The following DLGAP1 variants were observed in gnomAD, a reference collection of about 807,000 sequenced individuals.
The protein encoded by DLGAP1 is disks large-associated protein 1.
In DLGAP1, 11 loss-of-function variants were observed where a neutral mutation model predicts 90.8. The observed-to-expected ratio is 0.12, with a 90% CI of 0.08 to 0.20. The LOEUF is 0.20. Among genes scored for constraint, DLGAP1 ranks in the 10% least tolerant of loss-of-function variants. The pLI is 1.00. For synonymous variants in DLGAP1, 558 were observed against 540.7 expected, an observed-to-expected ratio of 1.03 and a Z score of -0.44; for missense variants, 1,050 against 1,333.8, an observed-to-expected ratio of 0.79 and a Z score of 3.31.
At chr18:4,083,574 T>A (rs1302592250) in intron 2 of DLGAP1, among the ~76,000 whole-genome samples, 2 of 152,216 alleles carry the variant, frequency 1.3e-5, no homozygotes, top group Non-Finnish European at 2.9e-5. Flanking sequence ...TTACCAAGAA[T>A]TTGGACAGAA....
At chr18:3,750,444 C>T (rs184844950) in intron 5 of DLGAP1, among the ~76,000 whole-genome samples, 10 of 152,246 alleles carry the variant, frequency 6.6e-5, no homozygotes, top group Admixed American at 5.2e-4. Context: ...GTGCATGTGT[C>T]CTTTTGGTAG....
intron 11 of DLGAP1, 73 bp from the exon 12 acceptor site, chr18:3,502,718 T>G: frequency 6.6e-7 from 1 of 1,506,284 alleles, no homozygotes; most frequent in Non-Finnish European, 8.9e-7. Context: ...AAAGGCATTT[T>G]CAAATATTTC....
At chr18:3,892,968 T>C (rs1407992060) in intron 3 of DLGAP1, among the ~76,000 whole-genome samples, 2 of 150,718 alleles carry the variant, frequency 1.3e-5, no homozygotes, top group East Asian at 1.9e-4. Flanking sequence ...TTTGTTACAT[T>C]GTGTAGAAGT....
intron 1 of DLGAP1, among the ~76,000 whole-genome samples, chr18:4,223,990 T>C (rs186332576): frequency 3.3e-5 from 5 of 152,294 alleles, no homozygotes; most frequent in Admixed American, 3.3e-4. Context: ...AAAATTCTAG[T>C]TAGAGAAATG....
Position 3,565,104 on chromosome 18 carries a change from C to T in DLGAP1, c.2057+2386G>A, listed in dbSNP as rs527644367. Among the ~76,000 whole-genome samples, 2 of 152,248 alleles carry T rather than the reference C, an allele frequency of 1.3e-5. No individual in the cohort carries two copies. The highest frequency in any genetic ancestry group is 4.8e-5 in the African/African-American group (2 of 41,556). On this transcript the variant is annotated intron_variant, in intron 9 of 12. Coordinates refer to ENST00000315677, the MANE Select transcript of DLGAP1 (RefSeq NM_004746.4). The surrounding 1 kb of genome is among the most constrained non-coding windows in gnomAD (Gnocchi z 4.0). The stretch of plus-strand genomic sequence containing the variant: ...GAGTCTGTGCTGTCAACCACTACAT[C>T]GTTGAGAAAAGGCACCAAGCTGGGC...
intron 1 of DLGAP1, among the ~76,000 whole-genome samples, chr18:4,390,013 C>T (rs1392723653): frequency 2.0e-5 from 3 of 151,902 alleles, no homozygotes; most frequent in Non-Finnish European, 4.4e-5. Context: ...TGTGTTAGTC[C>T]CTCCAGTGGC....
chr18:3,951,263 T>A (rs2072979747), intron 3 of DLGAP1, among the ~76,000 whole-genome samples: 1 of 152,212 alleles, frequency 6.6e-6, no homozygotes, highest in Non-Finnish European at 1.5e-5. Context: ...TAACCTCACA[T>A]TACACACATA....
intron 1 of DLGAP1, among the ~76,000 whole-genome samples, chr18:4,437,301 A>G (rs912196283): frequency 1.3e-5 from 2 of 152,134 alleles, no homozygotes; most frequent in African/African-American, 4.8e-5. Context: ...TCTTTTTTGC[A>G]TTTTTCAGAA....
chr18:4,323,472 A>T (rs186874481), intron 1 of DLGAP1, among the ~76,000 whole-genome samples: 13 of 152,306 alleles, frequency 8.5e-5, no homozygotes, highest in Admixed American at 5.2e-4. Context: ...CTGAAGAGGC[A>T]TTTGTATCCC....
chr18:3,868,952 C>T (rs1335637522), intron 4 of DLGAP1, among the ~76,000 whole-genome samples: 3 of 152,124 alleles, frequency 2.0e-5, no homozygotes, highest in South Asian at 2.1e-4. Flanking sequence ...AAAAGCACCA[C>T]GGAGGAAACA....
chr18:4,113,513 T>C (rs2076009567), intron 2 of DLGAP1, among the ~76,000 whole-genome samples: 1 of 152,178 alleles, frequency 6.6e-6, no homozygotes, highest in Admixed American at 6.5e-5. Flanking sequence ...AGATTCTGGG[T>C]ATTAGACCTT....
At chr18:4,153,116 G>T (rs1203920363) in intron 1 of DLGAP1, among the ~76,000 whole-genome samples, 1 of 152,156 alleles carries the variant, frequency 6.6e-6, no homozygotes, top group Non-Finnish European at 1.5e-5. Flanking sequence ...TTATAAGTTA[G>T]ATAATTGTTA....
At chr18:3,748,994 C>T (rs1004611747) in intron 5 of DLGAP1, among the ~76,000 whole-genome samples, 2 of 152,070 alleles carry the variant, frequency 1.3e-5, no homozygotes, top group African/African-American at 4.8e-5. Flanking sequence ...CAATGCCTGG[C>T]TACTGTTAGA....
At chr18:4,446,183 C>A (rs370353959) in intron 1 of DLGAP1, among the ~76,000 whole-genome samples, 3 of 152,254 alleles carry the variant, frequency 2.0e-5, no homozygotes, top group African/African-American at 7.2e-5. Context: ...TCTTCACACA[C>A]TCGTCCCACT....
At chr18:3,968,836 C>T (rs2073385384) in intron 3 of DLGAP1, among the ~76,000 whole-genome samples, 1 of 151,636 alleles carries the variant, frequency 6.6e-6, no homozygotes, top group Non-Finnish European at 1.5e-5. Context: ...TTGTCCCTGC[C>T]CAGCTATGTG....
chr18:3,503,403 T>C (rs1022718476), intron 11 of DLGAP1, among the ~76,000 whole-genome samples: 1 of 152,192 alleles, frequency 6.6e-6, no homozygotes, highest in African/African-American at 2.4e-5. Context: ...CTTTGCCCCA[T>C]CCACATATCC....
chr18:3,524,752 A>G (rs1267534339), intron 10 of DLGAP1, among the ~76,000 whole-genome samples: 1 of 152,152 alleles, frequency 6.6e-6, no homozygotes, highest in Non-Finnish European at 1.5e-5. Flanking sequence ...TGGATTTGTC[A>G]TTCTGAGTCT....
chr18:3,756,645 CAA>C (rs2063730545), intron 5 of DLGAP1, among the ~76,000 whole-genome samples: 1 of 150,962 alleles, frequency 6.6e-6, no homozygotes, highest in Non-Finnish European at 1.5e-5. Context: ...AAATGGAAAG[CAA>C]AAGAAAAACG....
At chr18:3,549,102 A>T (rs2053229402) in intron 9 of DLGAP1, among the ~76,000 whole-genome samples, 1 of 152,218 alleles carries the variant, frequency 6.6e-6, no homozygotes, top group Non-Finnish European at 1.5e-5. Flanking sequence ...TATCACAGTT[A>T]TATATGCACA....
Sources: allele counts gnomAD v4.1 joint callset (sites outside exome capture counted in the v4.1 genomes callset), GRCh38; gene constraint gnomAD v4.1.1; non-coding constraint Gnocchi (gnomAD v3.1); transcripts MANE v1.5; gene names NCBI Gene and HGNC (gene_info 2026-07-23, HGNC 2026-07-21).